Variants in LSAMP observed in about 807,000 individuals in gnomAD.
LSAMP encodes the protein limbic system-associated membrane protein.
LSAMP carries 7 observed loss-of-function variants against 38.6 expected under a neutral mutation model. The ratio of observed to expected loss-of-function variants is 0.18; its 90% CI spans 0.10 to 0.34. LSAMP has a LOEUF of 0.34. LSAMP is among the 10% of genes least tolerant of loss of function. The probability of loss-of-function intolerance (pLI) is 1.00; values close to 1 mark genes in which losing one functional copy is unlikely to be tolerated. For synonymous variants in LSAMP, 154 were observed against 166.8 expected, an observed-to-expected ratio of 0.92 and a Z score of 0.59; for missense variants, 313 against 420.0, an observed-to-expected ratio of 0.75 and a Z score of 2.23.
At chr3:116,387,583 T>C (rs2048641573) in intron 1 of LSAMP, among the ~76,000 whole-genome samples, 1 of 152,130 alleles carries the variant, frequency 6.6e-6, no homozygotes, top group Admixed American at 6.5e-5. Flanking sequence ...AAAGACTGAA[T>C]TGAAGCATGA....
chr3:115,856,709 C>T (rs932316447), intron 3 of LSAMP, among the ~76,000 whole-genome samples: 3 of 152,212 alleles, frequency 2.0e-5, no homozygotes, highest in Middle Eastern at 3.5e-3. Context: ...AGAGCTGTCT[C>T]TGAATCAGGA....
chr3:115,908,191 G>T (rs1255651592), intron 3 of LSAMP, among the ~76,000 whole-genome samples: 2 of 151,866 alleles, frequency 1.3e-5, no homozygotes, highest in Non-Finnish European at 2.9e-5. Flanking sequence ...CATTTATTAG[G>T]CATGGTGCTG....
chr3:116,410,580 C>T (rs1476173113), intron 1 of LSAMP, among the ~76,000 whole-genome samples: 10 of 151,924 alleles, frequency 6.6e-5, no homozygotes, highest in Middle Eastern at 3.2e-3. Flanking sequence ...TCTTTTCTTA[C>T]GAAAACTTTT....
At chr3:116,164,167 C>T (rs1365848125) in intron 1 of LSAMP, among the ~76,000 whole-genome samples, 2 of 152,094 alleles carry the variant, frequency 1.3e-5, no homozygotes, top group Non-Finnish European at 1.5e-5. Flanking sequence ...ATACACCATG[C>T]TTCTTAAATT....
At chr3:116,241,642 G>C (rs1032844045) in intron 1 of LSAMP, among the ~76,000 whole-genome samples, 4 of 152,044 alleles carry the variant, frequency 2.6e-5, no homozygotes. Flanking sequence ...ATAAACTTCT[G>C]CCCATCAAAA....
chr3:115,846,994 CCTGT>C (rs1409913814), intron 4 of LSAMP, among the ~76,000 whole-genome samples: 1 of 152,140 alleles, frequency 6.6e-6, no homozygotes. Context: ...ATGATGCCTG[CCTGT>C]CTATCTCACA....
intron 1 of LSAMP, among the ~76,000 whole-genome samples, chr3:116,125,743 CAATA>C (rs1223277300): frequency 1.3e-5 from 2 of 152,094 alleles, no homozygotes; most frequent in Admixed American, 6.6e-5. Context: ...TAGGGCAGTT[CAATA>C]AATAAATAGA....
At chr3:116,252,127 C>T (rs1469097457) in intron 1 of LSAMP, among the ~76,000 whole-genome samples, 2 of 152,198 alleles carry the variant, frequency 1.3e-5, no homozygotes, top group East Asian at 1.9e-4. Flanking sequence ...TGTTCTTAAA[C>T]ACATGGGAGA....
intron 1 of LSAMP, among the ~76,000 whole-genome samples, chr3:116,208,985 G>A (rs1174736683): frequency 2.0e-5 from 3 of 152,232 alleles, no homozygotes; most frequent in African/African-American, 7.2e-5. Context: ...AATGGCAGGC[G>A]CCCCTCCCGG....
intron 1 of LSAMP, among the ~76,000 whole-genome samples, chr3:116,430,470 T>C (rs1375106059): frequency 6.6e-6 from 1 of 152,172 alleles, no homozygotes. Context: ...ATTTTTGTTT[T>C]TATTTTAATA....
intron 6 of LSAMP, among the ~76,000 whole-genome samples, chr3:115,823,795 G>A (rs919366018): frequency 2.0e-5 from 3 of 152,154 alleles, no homozygotes; most frequent in Non-Finnish European, 4.4e-5. Context: ...AAGCTAAGAT[G>A]GGTGAATCCT....
rs76789946 is a variant in LSAMP, at chr3:115,841,118, C to T, written c.919+727G>A. ...TTGACTCTAACTTGCTGCTAAAGAG[C>T]AGGACTCCAAGATGGGGTCTCCTAT... On this transcript the variant is annotated intron_variant, in intron 6 of 6. Transcript: ENST00000490035. Among the ~76,000 whole-genome samples the T allele has an allele frequency of 8.9e-4, 135 of 152,342 alleles. 4 individuals carry two copies. The East Asian group carries it at 0.025, about 29-fold the overall frequency.
At chr3:115,937,311 T>C (rs764495409) in intron 3 of LSAMP, among the ~76,000 whole-genome samples, 17 of 152,084 alleles carry the variant, frequency 1.1e-4, no homozygotes, top group Non-Finnish European at 2.4e-4. Context: ...TTTATATGGA[T>C]TGTAGTTTAA....
intron 2 of LSAMP, among the ~76,000 whole-genome samples, chr3:116,066,627 GT>G (rs1313695418): frequency 6.6e-6 from 1 of 152,134 alleles, no homozygotes; most frequent in Non-Finnish European, 1.5e-5. Context: ...TTCAGATTAT[GT>G]TTTCCATTTG....
intron 1 of LSAMP, among the ~76,000 whole-genome samples, chr3:116,258,398 A>G (rs1339296812): frequency 6.6e-6 from 1 of 151,984 alleles, no homozygotes; most frequent in Non-Finnish European, 1.5e-5. Flanking sequence ...CTTTTTTTAA[A>G]TCAGTTAATA....
chr3:116,095,470 TAAGAG>T (rs1708207800), intron 1 of LSAMP, among the ~76,000 whole-genome samples: 1 of 152,212 alleles, frequency 6.6e-6, no homozygotes, highest in South Asian at 2.1e-4. Context: ...TGGTAGAGGT[TAAGAG>T]AAGAGTGGAT....
intron 1 of LSAMP, among the ~76,000 whole-genome samples, chr3:116,253,812 A>G (rs1482842398): frequency 6.6e-6 from 1 of 152,220 alleles, no homozygotes; most frequent in African/African-American, 2.4e-5. Context: ...GGTATGATTC[A>G]AGTTGCTGTA....
intron 3 of LSAMP, among the ~76,000 whole-genome samples, chr3:115,914,991 G>C (rs1353966963): frequency 6.6e-6 from 1 of 152,198 alleles, no homozygotes; most frequent in East Asian, 1.9e-4. Context: ...GGTGGGGAGG[G>C]GTGTGTTAGG....
chr3:115,976,935 T>C lies in LSAMP; in HGVS notation c.514+42580A>G, dbSNP rs565370541. Among the ~76,000 whole-genome samples, 4 of 152,274 alleles carry C rather than the reference T, an allele frequency of 2.6e-5. No homozygotes were observed. In the South Asian group the frequency reaches 6.2e-4, roughly 24 times the overall value. On this transcript the variant is annotated intron_variant, in intron 3 of 6. Transcript: ENST00000490035. ...AACTACCTACTCTCAGGTAGTTCTT[T>C]GTAGCAATGTGAGAATGGACTAATA... is the stretch of plus-strand genomic sequence containing the variant.
Sources: gnomAD v4.1 joint callset for allele counts (sites outside exome capture counted in the v4.1 genomes callset) on GRCh38, gnomAD v4.1.1 for gene constraint, MANE v1.5 for transcripts, NCBI Gene and HGNC (gene_info 2026-07-23, HGNC 2026-07-21) for gene names.